Variants in ZNF679 observed in about 807,000 individuals in gnomAD.
ZNF679 encodes hypothetical protein MGC42415.
A neutral mutation model predicts 13.4 loss-of-function variants in ZNF679; 10 were observed. That is an observed-to-expected ratio of 0.75 (90% CI 0.46 to 1.27). ZNF679 has a LOEUF of 1.27. Ranked by LOEUF, ZNF679 falls within the 50% of genes most tolerant of loss-of-function variation. ZNF679 has a pLI of 0.00. For missense variants in ZNF679, 525 were observed against 477.8 expected, an observed-to-expected ratio of 1.10 and a Z score of -0.92; for synonymous variants, 179 against 162.5, an observed-to-expected ratio of 1.10 and a Z score of -0.77.
intron 2 of ZNF679, among the ~76,000 whole-genome samples, chr7:64,258,424 C>T (rs750284112): frequency 1.6e-4 from 25 of 152,036 alleles, no homozygotes; most frequent in South Asian, 2.1e-4. Context: ...GTGTGCGGGC[C>T]GGGCGTGGTG....
chr7:64,249,207 C>T (rs1775003636), intron 2 of ZNF679, 51 bp downstream of exon 2: 6 of 1,613,938 alleles, frequency 3.7e-6, no homozygotes, highest in Middle Eastern at 1.7e-4. Flanking sequence ...TGGTTGGAAC[C>T]GGCTGAAAGT....
chr7:64,244,641 A>G (rs1485121061), intron 1 of ZNF679, among the ~76,000 whole-genome samples: 1 of 152,222 alleles, frequency 6.6e-6, no homozygotes, highest in South Asian at 2.1e-4. Context: ...AGGATGGTTC[A>G]TGGAGGGAAA....
At chr7:64,246,392 A>G (rs986418644) in intron 1 of ZNF679, among the ~76,000 whole-genome samples, 13 of 152,136 alleles carry the variant, frequency 8.5e-5, no homozygotes, top group African/African-American at 2.9e-4. Flanking sequence ...AATGGTCCCA[A>G]TCCAGAACCG....
At chr7:64,260,767 A>G in intron 3 of ZNF679, 67 bp from the exon 4 acceptor site, 1 of 1,485,532 alleles carries the variant, frequency 6.7e-7, no homozygotes, top group Non-Finnish European at 9.1e-7. Context: ...TTTACTAAGC[A>G]TAATACTCGT....
rs577664847 is a variant in ZNF679 at position 64,258,109 on chromosome 7, T to C, written c.40-2112T>C. On this transcript the variant is annotated intron_variant, in intron 2 of 4. Coordinates refer to ENST00000421025, the MANE Select transcript of ZNF679 (RefSeq NM_153363.3). ...TACTGTAAAGAACATTGCTGGAGTC[T>C]GATAGGGGAGGGCAGGGAAAAAGAA... Among the ~76,000 whole-genome samples, 30 of 134,358 alleles carry C rather than the reference T, an allele frequency of 2.2e-4. No individual in the cohort carries two copies. The East Asian group carries it at 0.01, about 47-fold the overall frequency. The allele number at this position is 134,358 out of a possible 152,430, so 88.1% of individuals were successfully genotyped here.
chr7:64,248,361 C>A (rs969090634), intron 1 of ZNF679, among the ~76,000 whole-genome samples: 22 of 151,988 alleles, frequency 1.4e-4, no homozygotes, highest in Non-Finnish European at 2.9e-4. Flanking sequence ...CGGCTCACTG[C>A]AAACTCCCCC....
intron 1 of ZNF679, among the ~76,000 whole-genome samples, chr7:64,244,795 T>C (rs1300611469): frequency 1.3e-4 from 20 of 152,138 alleles, no homozygotes; most frequent in Non-Finnish European, 1.5e-5. Context: ...TCCATTGGGG[T>C]CTCCCAGAAG....
chr7:64,238,816 C>T (rs1584226432), intron 1 of ZNF679, among the ~76,000 whole-genome samples: 1 of 152,198 alleles, frequency 6.6e-6, no homozygotes, highest in African/African-American at 2.4e-5. Context: ...CTCCTCCCAT[C>T]TTGACTCTCA....
chr7:64,237,860 A>T (rs555877770), intron 1 of ZNF679, among the ~76,000 whole-genome samples: 1 of 152,292 alleles, frequency 6.6e-6, no homozygotes, highest in South Asian at 2.1e-4. Flanking sequence ...TATTATAAAT[A>T]ATATAATTCA....
intron 1 of ZNF679, among the ~76,000 whole-genome samples, chr7:64,231,058 T>G (rs889780576): frequency 1.3e-5 from 2 of 152,170 alleles, no homozygotes. Flanking sequence ...AGAGTCACAG[T>G]CCCATCTGTG....
chr7:64,256,720 C>T (rs1273595441), intron 2 of ZNF679, among the ~76,000 whole-genome samples: 1 of 129,930 alleles, frequency 7.7e-6, no homozygotes, highest in South Asian at 2.5e-4. Context: ...TTTTTTGAGA[C>T]GGAGTTTCAC....
intron 1 of ZNF679, among the ~76,000 whole-genome samples, chr7:64,232,177 C>A (rs765858694): frequency 5.9e-5 from 9 of 152,182 alleles, no homozygotes; most frequent in Non-Finnish European, 1.2e-4. Context: ...GAGTGAATCT[C>A]CCAGGTTTGA....
chr7:64,255,748 A>G (rs1440651880), intron 2 of ZNF679, among the ~76,000 whole-genome samples: 1 of 151,888 alleles, frequency 6.6e-6, no homozygotes, highest in Middle Eastern at 3.2e-3. Context: ...AGCTGGAATT[A>G]TAGGTGCATG....
At chr7:64,262,276 G>A (rs1298094192) in intron 4 of ZNF679, among the ~76,000 whole-genome samples, 1 of 152,116 alleles carries the variant, frequency 6.6e-6, no homozygotes, top group Non-Finnish European at 1.5e-5. Flanking sequence ...CCCATTTCTT[G>A]GGTGGCACTG....
intron 1 of ZNF679, among the ~76,000 whole-genome samples, chr7:64,246,270 G>C (rs947452352): frequency 6.6e-6 from 1 of 152,088 alleles, no homozygotes; most frequent in Admixed American, 6.6e-5. Flanking sequence ...CTTTACCCAG[G>C]TGTGCCATCA....
chr7:64,252,757 G>T (rs1208116866), intron 2 of ZNF679, among the ~76,000 whole-genome samples: 1 of 152,158 alleles, frequency 6.6e-6, no homozygotes, highest in Non-Finnish European at 1.5e-5. Context: ...TCACTCTGTT[G>T]CCCAGGCTGG....
intron 1 of ZNF679, among the ~76,000 whole-genome samples, chr7:64,236,979 G>GAAAGAAAGAAAGAAAGAAAGAA (rs879897771): frequency 1.6e-5 from 1 of 64,318 alleles, no homozygotes. Flanking sequence ...GAAAGAAAAA[G>GAAAGAAAGAAAGAAAGAAAGAA]AAAGAAAGAA....
At chr7:64,244,300 C>G (rs1225224319) in intron 1 of ZNF679, among the ~76,000 whole-genome samples, 2 of 152,096 alleles carry the variant, frequency 1.3e-5, no homozygotes, top group African/African-American at 4.8e-5. Context: ...CTGTGATGCT[C>G]TTTTTAAAAA....
At chr7:64,248,970 T>G in intron 1 of ZNF679, 58 bp from the exon 2 acceptor site, 1 of 1,154,484 alleles carries the variant, frequency 8.7e-7, no homozygotes, top group Non-Finnish European at 1.2e-6. Context: ...GGCATGCAGC[T>G]GGAGAGAACA....
Sources: gnomAD v4.1 joint callset for allele counts (sites outside exome capture counted in the v4.1 genomes callset) on GRCh38, gnomAD v4.1.1 for gene constraint, MANE v1.5 for transcripts, NCBI Gene and HGNC (gene_info 2026-07-23, HGNC 2026-07-21) for gene names.